Variants in TAF4B observed in about 807,000 individuals in gnomAD.
The protein encoded by TAF4B is TATA-box binding protein associated factor 4b.
A neutral mutation model predicts 86.4 loss-of-function variants in TAF4B; 38 were observed. The observed-to-expected ratio is 0.44, with a 90% CI of 0.34 to 0.58. The LOEUF is 0.58. Ranked by LOEUF, TAF4B falls within the 20% of genes least tolerant of loss-of-function variation. The pLI is 0.02. For missense variants in TAF4B, 988 were observed against 1,027.6 expected (o/e 0.96, Z 0.53); for synonymous variants, 388 against 391.2 (o/e 0.99, Z 0.10).
intron 14 of TAF4B, among the ~76,000 whole-genome samples, chr18:26,365,740 G>A (rs1481083649): frequency 6.6e-6 from 1 of 152,132 alleles, no homozygotes; most frequent in Admixed American, 6.5e-5. Flanking sequence ...TGGTCTTCTC[G>A]AACTCAGTGC....
intron 14 of TAF4B, among the ~76,000 whole-genome samples, chr18:26,382,595 AC>A (rs1978295987): frequency 6.6e-6 from 1 of 152,014 alleles, no homozygotes; most frequent in Non-Finnish European, 1.5e-5. Context: ...CCCACCTTTC[AC>A]CCCAGATTGG....
At chr18:26,319,747 G>C (rs895880421) in intron 10 of TAF4B, among the ~76,000 whole-genome samples, 1 of 151,818 alleles carries the variant, frequency 6.6e-6, no homozygotes, top group African/African-American at 2.4e-5. Flanking sequence ...GCACCACCAC[G>C]ACCAGCTATT....
intron 9 of TAF4B, among the ~76,000 whole-genome samples, chr18:26,303,333 T>TC (rs2056760403): frequency 2.5e-4 from 5 of 20,346 alleles, no homozygotes; most frequent in African/African-American, 4.1e-4. Flanking sequence ...CTTTCATACC[T>TC]CCTCCACTTT....
chr18:26,255,964 G>A (rs187853043), intron 1 of TAF4B: 309 of 1,318,538 alleles, frequency 2.3e-4, no homozygotes, highest in Middle Eastern at 1.5e-3. Context: ...CAAGGAGATT[G>A]AGCTGGGAGG....
chr18:26,341,329 T>C lies in TAF4B; in HGVS notation c.2316+6098T>C, dbSNP rs186260964. ...TAACTGTAGGAACATTTAAGATAGA[T>C]GTCATTGAGCTCTTAGATTTAGGTT... On this transcript the variant is annotated intron_variant, in intron 13 of 14. Transcript: ENST00000269142. 9.9e-5 allele frequency among the ~76,000 whole-genome samples: 15 copies of C among 152,260 alleles called. No homozygotes were observed. The East Asian group carries it at 1.5e-3, about 16-fold the overall frequency.
At chr18:26,316,637 C>T (rs1450641839) in intron 10 of TAF4B, among the ~76,000 whole-genome samples, 4 of 152,122 alleles carry the variant, frequency 2.6e-5, no homozygotes, top group South Asian at 2.1e-4. Flanking sequence ...GTGATCCACC[C>T]GCCTCCCAAA....
chr18:26,296,434 C>T (rs1319600509), intron 9 of TAF4B, among the ~76,000 whole-genome samples: 1 of 149,880 alleles, frequency 6.7e-6, no homozygotes, highest in Non-Finnish European at 1.5e-5. Context: ...CTCTTTTCTG[C>T]AGTTTTTTTT....
Position 26,274,666 on chromosome 18 carries a change from G to A in TAF4B, c.601G>A (p.Val201Met). 6.2e-7 allele frequency: 1 copy of A among 1,614,146 alleles called. No individual in the cohort carries two copies. Residue 201 changes from valine (V) to methionine (M), a missense_variant, in exon 4 of 15, where the codon GTG becomes ATG. Coordinates refer to ENST00000269142, the MANE Select transcript of TAF4B (RefSeq NM_005640.3). ...TATTTAATACCTTTAATTTCAGTCT[G>A]TGGCTGTGCCAACCAGTGTCGTCAC... ...TVPKPSSVQS[V>M]AVPTSVVTVT... is the part of the protein sequence containing the mutation.
chr18:26,286,804 C>T (rs11876277), intron 7 of TAF4B, among the ~76,000 whole-genome samples: 16,843 of 152,072 alleles, frequency 0.11, 953 homozygotes, highest in Middle Eastern at 0.14. Context: ...ATGCCTTACC[C>T]TCCTGAGTAG....
chr18:26,382,687 A>C (rs187556480), intron 14 of TAF4B, among the ~76,000 whole-genome samples: 4 of 152,164 alleles, frequency 2.6e-5, no homozygotes, highest in African/African-American at 9.7e-5. Context: ...TTCACTGTTT[A>C]TTCATATAAG....
intron 14 of TAF4B, among the ~76,000 whole-genome samples, chr18:26,367,457 G>A (rs1407360615): frequency 1.3e-5 from 2 of 152,178 alleles, no homozygotes; most frequent in African/African-American, 4.8e-5. Flanking sequence ...ATGCATGTAC[G>A]AGCTCTAGAA....
At chr18:26,279,216 A>G (rs773715756) in intron 5 of TAF4B, among the ~76,000 whole-genome samples, 13 of 152,162 alleles carry the variant, frequency 8.5e-5, no homozygotes, top group East Asian at 1.9e-4. Flanking sequence ...CAGCATTTCT[A>G]TACACCAAAA....
chr18:26,326,886 A>G (rs2057008967), intron 11 of TAF4B, 129 bp from the exon 12 acceptor site: 1 of 1,079,134 alleles, frequency 9.3e-7, no homozygotes, highest in Non-Finnish European at 1.3e-6. Flanking sequence ...AAACAAAATC[A>G]TTACCTTCTG....
At chr18:26,265,866 TA>T (rs2056232858) in intron 2 of TAF4B, 1 of 151,936 alleles carries the variant, frequency 6.6e-6, no homozygotes, top group Non-Finnish European at 1.5e-5. Flanking sequence ...ATTTGCATCT[TA>T]AATGGAAAGA....
Position 26,315,373 on chromosome 18 carries a change from T to C in TAF4B, c.1977T>C (p.Ala659=). ...ATGAACCATTTCTTTTTATTGGAGC[T>C]CTACAAAAGAGAATTTTAGACATTG... ...CKDEPFLFIG[A]LQKRILDIGK... The change falls in exon 10 of 15, where the codon GCT becomes GCC. Residue 659 remains alanine (A), a synonymous_variant. Transcript: ENST00000269142. The C allele has an allele frequency of 6.2e-7, 1 of 1,613,016 alleles. No homozygotes were observed. The highest frequency in any genetic ancestry group is 8.5e-7 in the Non-Finnish European group (1 of 1,179,744).
chr18:26,352,302 T>C (rs1012554931), intron 13 of TAF4B, among the ~76,000 whole-genome samples: 1 of 151,886 alleles, frequency 6.6e-6, no homozygotes, highest in Non-Finnish European at 1.5e-5. Context: ...ATAGGTAAGC[T>C]AAAGTAACAA....
At chr18:26,245,034 A>C (rs1304795084) in intron 1 of TAF4B, among the ~76,000 whole-genome samples, 1 of 151,972 alleles carries the variant, frequency 6.6e-6, no homozygotes, top group Admixed American at 6.6e-5. Context: ...GTTCCAGGCA[A>C]ACCAACGCTC....
intron 9 of TAF4B, among the ~76,000 whole-genome samples, chr18:26,305,850 A>G (rs1186193738): frequency 6.6e-6 from 1 of 152,112 alleles, no homozygotes; most frequent in East Asian, 1.9e-4. Context: ...TGGCAGTTCC[A>G]TGAAGTTTGT....
In TAF4B at chr18:26,390,209, T is replaced by C; in HGVS notation, c.*197T>C. On this transcript the variant is annotated 3_prime_UTR_variant, in exon 15 of 15. Coordinates refer to ENST00000269142, the MANE Select transcript of TAF4B (RefSeq NM_005640.3). Reference sequence around the variant, plus strand: ...CAGACTCAGATTCATCTTTGTCTTCTGAAAATCAGTTATGAAATACACTTT... The same window carrying C: ...CAGACTCAGATTCATCTTTGTCTTCCGAAAATCAGTTATGAAATACACTTT... 2 of 519,282 alleles carry C rather than the reference T, an allele frequency of 3.9e-6. No individual in the cohort carries two copies. Among genetic ancestry groups the C allele is most frequent in the South Asian group, 7.3e-5 (2 of 27,396 alleles). The allele number at this position is 519,282 out of a possible 1,614,324, so 32.2% of individuals were successfully genotyped here. A position where few individuals can be genotyped will look rare whatever the true frequency, so the allele number is the denominator to read the frequency against.
Sources: allele counts gnomAD v4.1 joint callset (sites outside exome capture counted in the v4.1 genomes callset), GRCh38; gene constraint gnomAD v4.1.1; transcripts MANE v1.5; gene names NCBI Gene and HGNC (gene_info 2026-07-23, HGNC 2026-07-21).